Variants in SUCLG2 observed in about 807,000 individuals in gnomAD.
SUCLG2 encodes the protein succinate--CoA ligase [GDP-forming] subunit beta, mitochondrial.
A neutral mutation model predicts 47.9 loss-of-function variants in SUCLG2; 42 were observed. The ratio of observed to expected loss-of-function variants is 0.88; its 90% CI spans 0.69 to 1.14. The LOEUF (loss-of-function observed/expected upper bound fraction) is 1.14, where lower values mean the gene tolerates loss of function less well. Ranked by LOEUF, SUCLG2 falls within the 50% of genes most tolerant of loss-of-function variation. The pLI is 0.00. For synonymous variants in SUCLG2, 195 were observed against 197.3 expected (o/e 0.99, Z 0.10); for missense variants, 571 against 525.9 (o/e 1.09, Z -0.84).
chr3:67,635,442 T>G (rs926702542), intron 1 of SUCLG2, among the ~76,000 whole-genome samples: 2 of 152,188 alleles, frequency 1.3e-5, no homozygotes, highest in Admixed American at 1.3e-4. Flanking sequence ...TGAAGAGTGA[T>G]TCATGGGTGA....
intron 7 of SUCLG2, among the ~76,000 whole-genome samples, chr3:67,506,507 C>A (rs1469191782): frequency 6.6e-6 from 1 of 152,130 alleles, no homozygotes; most frequent in African/African-American, 2.4e-5. Context: ...CTCTTCCATT[C>A]TCTTAATAAT....
At chr3:67,397,515 A>C (rs1702573637) in intron 10 of SUCLG2, among the ~76,000 whole-genome samples, 1 of 152,270 alleles carries the variant, frequency 6.6e-6, no homozygotes, top group Non-Finnish European at 1.5e-5. Flanking sequence ...CAATGAAATA[A>C]AAGATGATAT....
At chr3:67,474,259 C>CAA (rs577118114) in intron 9 of SUCLG2, among the ~76,000 whole-genome samples, 2 of 139,086 alleles carry the variant, frequency 1.4e-5, no homozygotes, top group Non-Finnish European at 3.1e-5. Context: ...GACTCCATCT[C>CAA]AAAAAAAAAA....
At chr3:67,468,753 T>G (rs1331504319) in intron 9 of SUCLG2, among the ~76,000 whole-genome samples, 4 of 152,104 alleles carry the variant, frequency 2.6e-5, no homozygotes, top group African/African-American at 4.8e-5. Flanking sequence ...AGATTAGTCA[T>G]GTGAACCCAC....
chr3:67,439,824 C>A (rs1703714199), intron 9 of SUCLG2, among the ~76,000 whole-genome samples: 1 of 152,164 alleles, frequency 6.6e-6, no homozygotes, highest in Admixed American at 6.5e-5. Flanking sequence ...TTTACAGATT[C>A]AATGCTATCC....
intron 9 of SUCLG2, among the ~76,000 whole-genome samples, chr3:67,487,129 T>C (rs1197028723): frequency 6.6e-6 from 1 of 152,076 alleles, no homozygotes; most frequent in African/African-American, 2.4e-5. Flanking sequence ...TAGAGGAACA[T>C]GCCACTTCTG....
chr3:67,514,377 A>C, intron 6 of SUCLG2: 1 of 330,366 alleles, frequency 3.0e-6, no homozygotes, highest in Non-Finnish European at 6.3e-6. Flanking sequence ...TCTATTAATC[A>C]AACAAAAATC....
intron 9 of SUCLG2, among the ~76,000 whole-genome samples, chr3:67,455,682 G>C (rs1252528841): frequency 6.6e-6 from 1 of 151,788 alleles, no homozygotes; most frequent in Non-Finnish European, 1.5e-5. Flanking sequence ...GGTACTGGGT[G>C]GAGGAAAAAA....
At chr3:67,585,983 AAAAAAAAAC>A (rs1267048135) in intron 2 of SUCLG2, among the ~76,000 whole-genome samples, 5 of 46,790 alleles carry the variant, frequency 1.1e-4, no homozygotes, top group Admixed American at 6.1e-4. Context: ...AAAAAAAAAA[AAAAAAAAAC>A]CAAACCCACA....
chr3:67,619,261 T>G (rs1700687881), intron 1 of SUCLG2, among the ~76,000 whole-genome samples: 1 of 152,200 alleles, frequency 6.6e-6, no homozygotes, highest in Non-Finnish European at 1.5e-5. Context: ...AAGCATTACC[T>G]CGTGAGATTC....
chr3:67,491,742 T>C (rs1264864593), intron 9 of SUCLG2, among the ~76,000 whole-genome samples: 3 of 152,240 alleles, frequency 2.0e-5, no homozygotes, highest in African/African-American at 7.2e-5. Flanking sequence ...AAAATTTGTA[T>C]ACTGTTCTGT....
chr3:67,497,811 T>G (rs549282733), intron 8 of SUCLG2, among the ~76,000 whole-genome samples: 1 of 152,286 alleles, frequency 6.6e-6, no homozygotes, highest in African/African-American at 2.4e-5. Flanking sequence ...TTTATTGATT[T>G]ACATGGGTTT....
chr3:67,399,229 A>G (rs1287086838), intron 10 of SUCLG2, among the ~76,000 whole-genome samples: 1 of 152,200 alleles, frequency 6.6e-6, no homozygotes, highest in Non-Finnish European at 1.5e-5. Flanking sequence ...ACCCTTGATT[A>G]CACATCTGTT....
intron 10 of SUCLG2, among the ~76,000 whole-genome samples, chr3:67,368,902 G>A (rs762876032): frequency 1.1e-4 from 17 of 152,036 alleles, no homozygotes; most frequent in Non-Finnish European, 2.1e-4. Context: ...CACCAGGCCC[G>A]GCTGGCATTT....
At chr3:67,599,240 C>T (rs1368430998) in intron 2 of SUCLG2, among the ~76,000 whole-genome samples, 1 of 152,162 alleles carries the variant, frequency 6.6e-6, no homozygotes, top group African/African-American at 2.4e-5. Context: ...TCAAGGCGAA[C>T]TCCAGAGTCA....
At chr3:67,511,425 G>A (rs1279950167) in intron 6 of SUCLG2, among the ~76,000 whole-genome samples, 2 of 152,128 alleles carry the variant, frequency 1.3e-5, no homozygotes, top group African/African-American at 4.8e-5. Context: ...TGAATCATGG[G>A]GACGGGATTT....
chr3:67,441,614 G>A (rs965470012), intron 9 of SUCLG2, among the ~76,000 whole-genome samples: 3 of 152,310 alleles, frequency 2.0e-5, no homozygotes, highest in South Asian at 2.1e-4. Context: ...AAAACTGGGA[G>A]TGATAATAGA....
intron 9 of SUCLG2, among the ~76,000 whole-genome samples, chr3:67,435,831 A>G (rs1429636080): frequency 1.3e-5 from 2 of 152,218 alleles, no homozygotes; most frequent in East Asian, 3.8e-4. Flanking sequence ...AAACACGAAC[A>G]TAGCTAAATG....
At chr3:67,611,796 A>C (rs1700531871) in intron 1 of SUCLG2, among the ~76,000 whole-genome samples, 1 of 152,208 alleles carries the variant, frequency 6.6e-6, no homozygotes, top group South Asian at 2.1e-4. Flanking sequence ...AACTAATTGC[A>C]ATTGATCCAG....
Sources: gnomAD v4.1 joint callset for allele counts (sites outside exome capture counted in the v4.1 genomes callset) on GRCh38, gnomAD v4.1.1 for gene constraint, MANE v1.5 for transcripts, NCBI Gene and HGNC (gene_info 2026-07-23, HGNC 2026-07-21) for gene names.